The following PDE4B variants were observed in gnomAD, a reference collection of about 807,000 sequenced individuals.
PDE4B encodes the protein phosphodiesterase 4B, also known as 3',5'-cyclic-AMP phosphodiesterase 4B.
In PDE4B, 20 loss-of-function variants were observed where a neutral mutation model predicts 82.2. The ratio of observed to expected loss-of-function variants is 0.24; its 90% confidence interval spans 0.17 to 0.35. PDE4B has a LOEUF of 0.35. Among genes scored for constraint, PDE4B ranks in the 10% least tolerant of loss-of-function variants. The pLI is 1.00. For missense variants in PDE4B, 655 were observed against 907.2 expected (o/e 0.72, Z 3.57); for synonymous variants, 320 against 318.9 (o/e 1.00, Z -0.04).
chr1:66,253,512 C>G (rs1653950414), intron 4 of PDE4B, among the ~76,000 whole-genome samples: 1 of 152,202 alleles, frequency 6.6e-6, no homozygotes, highest in South Asian at 2.1e-4. Context: ...CTAGATGTTG[C>G]TCTTGCAATG....
At chr1:65,941,406 G>A (rs963762771) in intron 3 of PDE4B, among the ~76,000 whole-genome samples, 1 of 152,044 alleles carries the variant, frequency 6.6e-6, no homozygotes, top group African/African-American at 2.4e-5. Context: ...ACAGGCAGCT[G>A]GACCTTTTCT....
intron 3 of PDE4B, among the ~76,000 whole-genome samples, chr1:66,025,479 T>C (rs559826054): frequency 7.2e-4 from 109 of 152,126 alleles, no homozygotes; most frequent in Non-Finnish European, 1.4e-3. Flanking sequence ...TATTTTCCAG[T>C]AACACAATGA....
At chr1:66,323,566 T>C (rs1243977576) in intron 7 of PDE4B, among the ~76,000 whole-genome samples, 5 of 152,228 alleles carry the variant, frequency 3.3e-5, no homozygotes, top group African/African-American at 7.2e-5. Flanking sequence ...TTTTACTCAT[T>C]AATTATTTAT....
At chr1:65,979,189 AT>A (rs1650562110) in intron 3 of PDE4B, among the ~76,000 whole-genome samples, 1 of 152,230 alleles carries the variant, frequency 6.6e-6, no homozygotes, top group South Asian at 2.1e-4. Flanking sequence ...TAAGGGATAT[AT>A]AATGTCAGTT....
chr1:66,217,622 A>G (rs1276821141), intron 3 of PDE4B, among the ~76,000 whole-genome samples: 1 of 152,170 alleles, frequency 6.6e-6, no homozygotes, highest in Non-Finnish European at 1.5e-5. Flanking sequence ...GGAGAGGCAA[A>G]TGGAGAATAA....
intron 3 of PDE4B, among the ~76,000 whole-genome samples, chr1:66,067,727 C>T (rs1426709036): frequency 6.6e-6 from 1 of 151,904 alleles, no homozygotes; most frequent in Non-Finnish European, 1.5e-5. Flanking sequence ...CTTTTATTGC[C>T]ATTGCTTTTG....
At chr1:66,068,402 A>C (rs1345402424) in intron 3 of PDE4B, among the ~76,000 whole-genome samples, 1 of 151,978 alleles carries the variant, frequency 6.6e-6, no homozygotes, top group Admixed American at 6.6e-5. Flanking sequence ...ATTGATGAAG[A>C]ATTGATAAGA....
chr1:66,059,366 G>A (rs940785686), intron 3 of PDE4B, among the ~76,000 whole-genome samples: 6 of 152,068 alleles, frequency 3.9e-5, no homozygotes, highest in African/African-American at 7.2e-5. Flanking sequence ...TTCCAAAGTC[G>A]CTTCCACATT....
At chr1:65,834,138 G>A (rs762287801) in intron 1 of PDE4B, among the ~76,000 whole-genome samples, 3 of 152,094 alleles carry the variant, frequency 2.0e-5, no homozygotes, top group Non-Finnish European at 4.4e-5. Context: ...TCCGCCTCCC[G>A]GGTTTAAGTG....
chr1:66,006,149 C>A (rs1277512471), intron 3 of PDE4B, among the ~76,000 whole-genome samples: 3 of 152,150 alleles, frequency 2.0e-5, no homozygotes, highest in African/African-American at 7.2e-5. Context: ...TAAAAATGCT[C>A]TTGCCAAGTA....
At chr1:66,081,326 T>C (rs6588186) in intron 3 of PDE4B, among the ~76,000 whole-genome samples, 112,874 of 151,970 alleles carry the variant, frequency 0.74, 42,999 homozygotes, top group Non-Finnish European at 0.84. Flanking sequence ...CCTCTTCACT[T>C]GAATGTTAAG....
chr1:66,141,731 C>T (rs1017192752), intron 3 of PDE4B, among the ~76,000 whole-genome samples: 1 of 152,214 alleles, frequency 6.6e-6, no homozygotes, highest in African/African-American at 2.4e-5. Context: ...ACAACATTTT[C>T]CTGGACAGTC....
At chr1:66,040,074 C>A (rs1654284516) in intron 3 of PDE4B, among the ~76,000 whole-genome samples, 1 of 151,984 alleles carries the variant, frequency 6.6e-6, no homozygotes, top group Admixed American at 6.6e-5. Context: ...AGGATGGATT[C>A]TCCTGTTAGA....
intron 6 of PDE4B, among the ~76,000 whole-genome samples, chr1:66,264,078 T>G (rs1299192075): frequency 1.3e-5 from 2 of 152,220 alleles, no homozygotes; most frequent in Non-Finnish European, 2.9e-5. Context: ...AGGAACTATG[T>G]ATTGAACACT....
intron 1 of PDE4B, among the ~76,000 whole-genome samples, chr1:65,880,525 G>C (rs1351033757): frequency 6.6e-6 from 1 of 152,128 alleles, no homozygotes; most frequent in Non-Finnish European, 1.5e-5. Flanking sequence ...GAGATGATTA[G>C]GTGATGAGGA....
intron 7 of PDE4B, among the ~76,000 whole-genome samples, chr1:66,274,998 T>C (rs1164065420): frequency 6.6e-6 from 1 of 152,186 alleles, no homozygotes; most frequent in African/African-American, 2.4e-5. Context: ...AGAAATAGTT[T>C]TAGAGCTGAA....
intron 3 of PDE4B, among the ~76,000 whole-genome samples, chr1:66,224,859 C>A (rs1651305178): frequency 6.6e-6 from 1 of 152,222 alleles, no homozygotes; most frequent in Non-Finnish European, 1.5e-5. Flanking sequence ...GTCTCCAGAA[C>A]AACTATTTTA....
intron 3 of PDE4B, among the ~76,000 whole-genome samples, chr1:66,166,909 C>T (rs1373941169): frequency 6.6e-6 from 1 of 152,064 alleles, no homozygotes; most frequent in African/African-American, 2.4e-5. Context: ...AGGCATTTCT[C>T]CAAAGAAGAA....
chr1:66,159,316 C>T (rs1646563055), intron 3 of PDE4B, among the ~76,000 whole-genome samples: 1 of 151,332 alleles, frequency 6.6e-6, no homozygotes, highest in South Asian at 2.1e-4. Flanking sequence ...ATTCTTGGCT[C>T]ACTGCTTTGC....
Sources: allele counts gnomAD v4.1 joint callset (sites outside exome capture counted in the v4.1 genomes callset), GRCh38; gene constraint gnomAD v4.1.1; transcripts MANE v1.5; gene names NCBI Gene and HGNC (gene_info 2026-07-23, HGNC 2026-07-21).